Variants in COL26A1 observed in about 807,000 individuals in gnomAD.
COL26A1 encodes the protein collagen type XXVI alpha 1 chain, also known as collagen alpha-1(XXVI) chain.
COL26A1 carries 41 observed loss-of-function variants against 59.3 expected under a neutral mutation model. The ratio of observed to expected loss-of-function variants is 0.69; its 90% CI spans 0.54 to 0.90. The LOEUF (loss-of-function observed/expected upper bound fraction) is 0.90. Ranked by LOEUF, COL26A1 falls within the 40% of genes least tolerant of loss-of-function variation. The pLI is 0.00. For missense variants in COL26A1, 612 were observed against 602.3 expected (o/e 1.02, Z -0.17); for synonymous variants, 266 against 256.0 (o/e 1.04, Z -0.37).
At chr7:101,547,799 CCATTCATTCATTCGTT>C (rs752446540) in intron 8 of COL26A1, among the ~76,000 whole-genome samples, 8 of 141,954 alleles carry the variant, frequency 5.6e-5, no homozygotes, top group African/African-American at 1.3e-4. Context: ...ATTCATTTGT[CCATTCATTCATTCGTT>C]CATTCATTCA....
chr7:101,450,192 G>A (rs1423178174), intron 3 of COL26A1, among the ~76,000 whole-genome samples: 3 of 151,910 alleles, frequency 2.0e-5, no homozygotes, highest in Non-Finnish European at 4.4e-5. Context: ...GCCGGGCACA[G>A]GAGAGTTTCA....
At chr7:101,467,874 A>G (rs556211132) in intron 3 of COL26A1, among the ~76,000 whole-genome samples, 1 of 152,066 alleles carries the variant, frequency 6.6e-6, no homozygotes, top group African/African-American at 2.4e-5. Flanking sequence ...CTCAAAAGAA[A>G]AGAAAAAGAA....
At chr7:101,477,600 T>A (rs1407654640) in intron 3 of COL26A1, among the ~76,000 whole-genome samples, 3 of 152,194 alleles carry the variant, frequency 2.0e-5, no homozygotes, top group Non-Finnish European at 4.4e-5. Flanking sequence ...TTCCCAGTTT[T>A]CAGTATAGTT....
intron 7 of COL26A1, among the ~76,000 whole-genome samples, chr7:101,546,101 A>T (rs1211078543): frequency 6.6e-6 from 1 of 152,202 alleles, no homozygotes; most frequent in Admixed American, 6.5e-5. Context: ...GGAGGTGGGG[A>T]CAAGGAGGTG....
At chr7:101,541,094 G>A (rs1306316063) in intron 5 of COL26A1, among the ~76,000 whole-genome samples, 2 of 152,194 alleles carry the variant, frequency 1.3e-5, no homozygotes, top group Non-Finnish European at 2.9e-5. Flanking sequence ...GCAGTTTGCC[G>A]CAGTCCCCAC....
chr7:101,375,094 G>A (rs1243762095), intron 1 of COL26A1, among the ~76,000 whole-genome samples: 3 of 151,776 alleles, frequency 2.0e-5, no homozygotes, highest in African/African-American at 7.3e-5. Context: ...TAAAAAAAAA[G>A]AGGAAGGCTG....
intron 1 of COL26A1, among the ~76,000 whole-genome samples, chr7:101,399,828 A>G (rs187203517): frequency 4.6e-5 from 7 of 152,336 alleles, no homozygotes; most frequent in African/African-American, 1.7e-4. Flanking sequence ...GAAACAACAT[A>G]AGAATCATAA....
At chr7:101,489,073 C>T (rs984943620) in intron 3 of COL26A1, among the ~76,000 whole-genome samples, 1 of 152,132 alleles carries the variant, frequency 6.6e-6, no homozygotes, top group Non-Finnish European at 1.5e-5. Flanking sequence ...GCCTTTGAAC[C>T]GCCCATGGCA....
intron 2 of COL26A1, among the ~76,000 whole-genome samples, chr7:101,423,697 C>T (rs62463413): frequency 1.3e-5 from 2 of 151,244 alleles, no homozygotes; most frequent in African/African-American, 2.4e-5. Context: ...ATCGCACCAC[C>T]GCACTACAGC....
chr7:101,434,113 TTTTC>T (rs1167635928), intron 2 of COL26A1, among the ~76,000 whole-genome samples: 91 of 129,434 alleles, frequency 7.0e-4, no homozygotes, highest in African/African-American at 2.4e-3. Flanking sequence ...CTTTCTTTCT[TTTTC>T]TTTCTTTCTT....
At chr7:101,436,223 G>A (rs754659901) in intron 2 of COL26A1, among the ~76,000 whole-genome samples, 15 of 152,190 alleles carry the variant, frequency 9.9e-5, no homozygotes, top group South Asian at 4.1e-4. Context: ...TCTCGGGAAC[G>A]TCTAGCTTGG....
chr7:101,539,343 TTCTC>T (rs897082366), intron 4 of COL26A1, among the ~76,000 whole-genome samples: 3 of 151,138 alleles, frequency 2.0e-5, no homozygotes, highest in Admixed American at 6.6e-5. Context: ...TGCTTTTTTT[TTCTC>T]TCTCTCTCTT....
At chr7:101,501,207 GAAAAGAAAAGAA>G (rs796792556) in intron 3 of COL26A1, among the ~76,000 whole-genome samples, 14 of 85,788 alleles carry the variant, frequency 1.6e-4, no homozygotes, top group African/African-American at 4.4e-4. Context: ...AAAAAGAAAA[GAAAAGAAAAGAA>G]AAAAAAAAAA....
chr7:101,367,563 G>A (rs1158032892), intron 1 of COL26A1, among the ~76,000 whole-genome samples: 1 of 151,918 alleles, frequency 6.6e-6, no homozygotes, highest in Non-Finnish European at 1.5e-5. Context: ...TACTTGGGAG[G>A]CTGAGGCACT....
At chr7:101,439,353 G>GC (rs1376883930) in intron 2 of COL26A1, among the ~76,000 whole-genome samples, 1 of 151,676 alleles carries the variant, frequency 6.6e-6, no homozygotes, top group Non-Finnish European at 1.5e-5. Flanking sequence ...AGAAAGACCA[G>GC]CCCCTCAGAG....
At chr7:101,539,721 T>C (rs1795566867) in intron 4 of COL26A1, among the ~76,000 whole-genome samples, 172 bp from the exon 5 acceptor site, 1 of 152,096 alleles carries the variant, frequency 6.6e-6, no homozygotes, top group African/African-American at 2.4e-5. Context: ...AGGGCTGGGA[T>C]GGAGGGAACC....
intron 2 of COL26A1, 51 bp downstream of exon 2, chr7:101,420,150 A>G (rs1792479097): frequency 1.2e-6 from 2 of 1,601,876 alleles, no homozygotes; most frequent in African/African-American, 2.7e-5. Flanking sequence ...ATTCCCTCGG[A>G]CAAAACCAGT....
chr7:101,501,567 A>T (rs995018529), intron 3 of COL26A1, among the ~76,000 whole-genome samples: 1 of 151,450 alleles, frequency 6.6e-6, no homozygotes, highest in African/African-American at 2.4e-5. Flanking sequence ...AGGTTCCTCC[A>T]GGAGCTGCCC....
intron 12 of COL26A1, among the ~76,000 whole-genome samples, chr7:101,556,804 A>G (rs1014835088): frequency 1.3e-5 from 2 of 150,672 alleles, no homozygotes; most frequent in Admixed American, 1.3e-4. Flanking sequence ...GTGGGTGAAT[A>G]AGTGAGTGAA....
Sources: allele counts gnomAD v4.1 joint callset (sites outside exome capture counted in the v4.1 genomes callset), GRCh38; gene constraint gnomAD v4.1.1; transcripts MANE v1.5; gene names NCBI Gene and HGNC (gene_info 2026-07-23, HGNC 2026-07-21).